Variants in MB21D2 observed in about 807,000 individuals in gnomAD.
MB21D2 encodes the protein nucleotidyltransferase MB21D2.
In MB21D2, 9 loss-of-function variants were observed where a neutral mutation model predicts 33.3. The ratio of observed to expected loss-of-function variants is 0.27; its 90% CI spans 0.16 to 0.47. The LOEUF is 0.47. MB21D2 is among the 20% of genes least tolerant of loss of function. MB21D2 has a pLI of 0.99. For synonymous variants in MB21D2, 241 were observed against 236.3 expected (o/e 1.02, Z -0.18); for missense variants, 540 against 624.6 (o/e 0.86, Z 1.44).
chr3:192,827,831 T>G (rs1712210453), intron 1 of MB21D2, among the ~76,000 whole-genome samples: 1 of 152,114 alleles, frequency 6.6e-6, no homozygotes, highest in South Asian at 2.1e-4. Flanking sequence ...TGGTAGCTTT[T>G]TGTTTGATAT....
At chr3:192,874,531 ACTTT>A (rs1713387092) in intron 1 of MB21D2, among the ~76,000 whole-genome samples, 1 of 152,100 alleles carries the variant, frequency 6.6e-6, no homozygotes, top group Non-Finnish European at 1.5e-5. Context: ...CCCACCACTT[ACTTT>A]ATTATCCTGT....
chr3:192,884,614 G>A (rs533854155), intron 1 of MB21D2, among the ~76,000 whole-genome samples: 1,733 of 152,056 alleles, frequency 0.011, 19 homozygotes, highest in Non-Finnish European at 0.017. Context: ...TGATCTGCCC[G>A]CCTTGGCCTC....
intron 1 of MB21D2, among the ~76,000 whole-genome samples, chr3:192,906,402 T>C (rs1399107317): frequency 3.3e-5 from 5 of 152,168 alleles, no homozygotes; most frequent in South Asian, 2.1e-4. Context: ...TATCTGAACA[T>C]AGACCATACC....
chr3:192,881,348 T>C (rs1713561587), intron 1 of MB21D2, among the ~76,000 whole-genome samples: 2 of 152,226 alleles, frequency 1.3e-5, no homozygotes, highest in African/African-American at 4.8e-5. Context: ...GACTGACTGG[T>C]TGCTCTGTAG....
At chr3:192,816,756 TAGAA>T (rs1371158073) in intron 1 of MB21D2, among the ~76,000 whole-genome samples, 1 of 152,140 alleles carries the variant, frequency 6.6e-6, no homozygotes, top group Non-Finnish European at 1.5e-5. Context: ...GATGCCGTGA[TAGAA>T]AGATTATTAA....
At chr3:192,831,620 T>A (rs1212208525) in intron 1 of MB21D2, among the ~76,000 whole-genome samples, 1 of 152,172 alleles carries the variant, frequency 6.6e-6, no homozygotes, top group East Asian at 1.9e-4. Flanking sequence ...CACTTTTGGA[T>A]ATAAGATGCA....
intron 1 of MB21D2, among the ~76,000 whole-genome samples, chr3:192,858,016 CG>C (rs988934678): frequency 4.6e-5 from 7 of 151,858 alleles, no homozygotes; most frequent in African/African-American, 1.7e-4. Flanking sequence ...TCCCAGCTAC[CG>C]GGGAGGCTGA....
intron 1 of MB21D2, among the ~76,000 whole-genome samples, chr3:192,868,127 C>T (rs772294108): frequency 5.3e-5 from 8 of 152,188 alleles, no homozygotes; most frequent in African/African-American, 1.9e-4. Flanking sequence ...CAATCAGTAA[C>T]GGATACAGGG....
At chr3:192,869,230 T>G in intron 1 of MB21D2, among the ~76,000 whole-genome samples, 1 of 138,664 alleles carries the variant, frequency 7.2e-6, no homozygotes, top group South Asian at 2.3e-4. Context: ...CACTCCAGCC[T>G]CGGCGACAGA....
chr3:192,857,981 C>T (rs1712955270), intron 1 of MB21D2, among the ~76,000 whole-genome samples: 1 of 151,986 alleles, frequency 6.6e-6, no homozygotes, highest in Admixed American at 6.6e-5. Context: ...AAAAATTAGC[C>T]GGGCATGGTG....
At chr3:192,831,440 GT>G (rs1712312663) in intron 1 of MB21D2, among the ~76,000 whole-genome samples, 1 of 152,182 alleles carries the variant, frequency 6.6e-6, no homozygotes, top group African/African-American at 2.4e-5. Context: ...AAGCCACTAA[GT>G]TTTGGAATAA....
intron 1 of MB21D2, among the ~76,000 whole-genome samples, chr3:192,878,348 T>G (rs1161192538): frequency 1.3e-5 from 2 of 152,148 alleles, no homozygotes; most frequent in African/African-American, 4.8e-5. Context: ...ATTTAAAAAG[T>G]GGACACAGAT....
chr3:192,854,693 C>G (rs572373289), intron 1 of MB21D2, among the ~76,000 whole-genome samples: 8 of 152,346 alleles, frequency 5.3e-5, no homozygotes, highest in Admixed American at 3.9e-4. Flanking sequence ...CAGGCTGACT[C>G]TCTTGTTAGA....
chr3:192,896,261 G>A (rs1039962092), intron 1 of MB21D2, among the ~76,000 whole-genome samples: 1 of 150,324 alleles, frequency 6.7e-6, no homozygotes, highest in African/African-American at 2.5e-5. Flanking sequence ...GGTCACACAA[G>A]CTGTCCCACA....
At chr3:192,807,821 G>C (rs1305070501) in intron 1 of MB21D2, among the ~76,000 whole-genome samples, 1 of 152,182 alleles carries the variant, frequency 6.6e-6, no homozygotes, top group Non-Finnish European at 1.5e-5. Context: ...GCATAATGCT[G>C]ATGATTTAGT....
At chr3:192,904,645 G>A (rs370770503) in intron 1 of MB21D2, among the ~76,000 whole-genome samples, 1 of 152,098 alleles carries the variant, frequency 6.6e-6, no homozygotes, top group South Asian at 2.1e-4. Context: ...GTGGAAGTGG[G>A]GCCTGGCCAT....
intron 1 of MB21D2, among the ~76,000 whole-genome samples, chr3:192,845,005 G>A (rs1712650594): frequency 6.6e-6 from 1 of 152,080 alleles, no homozygotes. Flanking sequence ...TTTTACAACT[G>A]GTGATTAACA....
At chr3:192,912,339 G>A (rs1345210522) in intron 1 of MB21D2, among the ~76,000 whole-genome samples, 3 of 151,926 alleles carry the variant, frequency 2.0e-5, no homozygotes, top group Non-Finnish European at 4.4e-5. Context: ...AAAAAACAGA[G>A]GGAGAGAAAG....
intron 1 of MB21D2, among the ~76,000 whole-genome samples, chr3:192,859,942 T>C (rs1333488597): frequency 6.6e-6 from 1 of 152,154 alleles, no homozygotes; most frequent in Non-Finnish European, 1.5e-5. Flanking sequence ...AAATGTAAGA[T>C]GCATAAATGA....
Sources: allele counts gnomAD v4.1 joint callset (sites outside exome capture counted in the v4.1 genomes callset), GRCh38; gene constraint gnomAD v4.1.1; transcripts MANE v1.5; gene names NCBI Gene and HGNC (gene_info 2026-07-23, HGNC 2026-07-21).